The following TMEM117 variants were observed in gnomAD, a reference collection of about 807,000 sequenced individuals.
TMEM117 encodes the protein transmembrane protein 117.
TMEM117 carries 27 observed loss-of-function variants against 52.4 expected under a neutral mutation model. The ratio of observed to expected loss-of-function variants is 0.51; its 90% CI spans 0.38 to 0.71. TMEM117 has a LOEUF of 0.71. Ranked by LOEUF, TMEM117 falls within the 30% of genes least tolerant of loss-of-function variation. TMEM117 has a pLI of 0.00. For missense variants in TMEM117, 556 were observed against 630.5 expected (o/e 0.88, Z 1.26); for synonymous variants, 215 against 206.3 (o/e 1.04, Z -0.36).
chr12:43,978,406 C>G (rs193264003), intron 3 of TMEM117, among the ~76,000 whole-genome samples: 1 of 152,060 alleles, frequency 6.6e-6, no homozygotes, highest in Non-Finnish European at 1.5e-5. Flanking sequence ...ATAGGCTGAA[C>G]GGAAAAGGTC....
intron 3 of TMEM117, among the ~76,000 whole-genome samples, chr12:44,034,902 A>G (rs1184119714): frequency 6.6e-6 from 1 of 152,214 alleles, no homozygotes; most frequent in Non-Finnish European, 1.5e-5. Context: ...AGCAGGCACC[A>G]GTCAATCTTT....
chr12:43,810,190 C>T, the TMEM117 span, among the ~76,000 whole-genome samples: 1 of 152,090 alleles, frequency 6.6e-6, no homozygotes, highest in Non-Finnish European at 1.5e-5. Context: ...AGATTTTCAC[C>T]CTGGGTTGGA....
chr12:44,107,506 A>AT (rs1947978070), intron 3 of TMEM117, among the ~76,000 whole-genome samples: 3 of 152,124 alleles, frequency 2.0e-5, no homozygotes, highest in Admixed American at 1.3e-4. Flanking sequence ...TTGAAGACTC[A>AT]TTCACTGTGT....
chr12:43,810,435 G>A, the TMEM117 span, among the ~76,000 whole-genome samples: 1 of 152,014 alleles, frequency 6.6e-6, no homozygotes, highest in Non-Finnish European at 1.5e-5. Context: ...GTCCACAAAC[G>A]GGGACAACCT....
At chr12:44,019,922 GA>G (rs1179632056) in intron 3 of TMEM117, among the ~76,000 whole-genome samples, 4 of 152,118 alleles carry the variant, frequency 2.6e-5, no homozygotes, top group African/African-American at 9.7e-5. Flanking sequence ...CTTTTAAACA[GA>G]ATGAAAGGTC....
At chr12:44,036,304 C>T (rs1174927439) in intron 3 of TMEM117, among the ~76,000 whole-genome samples, 1 of 152,188 alleles carries the variant, frequency 6.6e-6, no homozygotes, top group Non-Finnish European at 1.5e-5. Context: ...ACCTACCACT[C>T]AGCTTAAGCA....
intron 3 of TMEM117, among the ~76,000 whole-genome samples, chr12:44,020,751 C>G (rs1279867109): frequency 6.6e-6 from 1 of 150,758 alleles, no homozygotes; most frequent in Non-Finnish European, 1.5e-5. Context: ...CCAGAAATAG[C>G]TAGCAGCCAG....
At chr12:44,396,785 C>A in the TMEM117 span, among the ~76,000 whole-genome samples, 1 of 145,770 alleles carries the variant, frequency 6.9e-6, no homozygotes, top group African/African-American at 2.5e-5. Context: ...ACCAGGGAGG[C>A]GGAGGTTGCA....
chr12:43,924,316 G>A (rs866654607), intron 2 of TMEM117, among the ~76,000 whole-genome samples: 76 of 152,092 alleles, frequency 5.0e-4, no homozygotes, highest in African/African-American at 1.6e-3. Context: ...ATTATTCATT[G>A]TTTGCGTAGA....
chr12:43,853,423 C>T (rs971461327), intron 2 of TMEM117, among the ~76,000 whole-genome samples: 2 of 152,060 alleles, frequency 1.3e-5, no homozygotes, highest in South Asian at 4.2e-4. Flanking sequence ...TTACAGGCAC[C>T]TGCCACCATA....
chr12:44,062,299 T>C (rs1947151981), intron 3 of TMEM117, among the ~76,000 whole-genome samples: 1 of 152,226 alleles, frequency 6.6e-6, no homozygotes, highest in South Asian at 2.1e-4. Flanking sequence ...CTAGCTATGC[T>C]TCAAATTATA....
chr12:44,306,053 T>C (rs946388428), intron 6 of TMEM117, among the ~76,000 whole-genome samples: 1 of 152,178 alleles, frequency 6.6e-6, no homozygotes, highest in African/African-American at 2.4e-5. Context: ...TGTTCTCATT[T>C]ATAAATGAGA....
chr12:44,089,126 AC>A (rs1377616384), intron 3 of TMEM117, among the ~76,000 whole-genome samples: 2 of 152,196 alleles, frequency 1.3e-5, no homozygotes, highest in Non-Finnish European at 2.9e-5. Flanking sequence ...GGTATAAAGG[AC>A]ACAAATATGT....
chr12:43,878,635 A>T (rs1943844583), intron 2 of TMEM117, among the ~76,000 whole-genome samples: 1 of 152,210 alleles, frequency 6.6e-6, no homozygotes, highest in African/African-American at 2.4e-5. Flanking sequence ...TGTGATTTTG[A>T]TTAAAATTTT....
chr12:44,341,799 C>G (rs1381422144), intron 6 of TMEM117, among the ~76,000 whole-genome samples: 1 of 152,078 alleles, frequency 6.6e-6, no homozygotes, highest in East Asian at 1.9e-4. Flanking sequence ...GATATTGAAT[C>G]TAGAAGAGTC....
intron 2 of TMEM117, among the ~76,000 whole-genome samples, chr12:43,882,353 A>G (rs547937165): frequency 6.6e-6 from 1 of 150,982 alleles, no homozygotes; most frequent in East Asian, 2.0e-4. Context: ...CCAGCTACTC[A>G]GGAGGCTGAG....
At chr12:44,076,055 A>T (rs1458585120) in intron 3 of TMEM117, among the ~76,000 whole-genome samples, 3 of 152,212 alleles carry the variant, frequency 2.0e-5, no homozygotes, top group Non-Finnish European at 2.9e-5. Context: ...CACTGCCGTT[A>T]CCACCACCTA....
chr12:44,144,251 T>C (rs1948611130), intron 4 of TMEM117, among the ~76,000 whole-genome samples: 1 of 152,192 alleles, frequency 6.6e-6, no homozygotes, highest in Admixed American at 6.5e-5. Flanking sequence ...ATAAAGTATC[T>C]TCTGTTTTTA....
intron 3 of TMEM117, among the ~76,000 whole-genome samples, chr12:44,126,168 A>T (rs1056023766): frequency 2.0e-5 from 3 of 152,072 alleles, no homozygotes; most frequent in Admixed American, 6.5e-5. Flanking sequence ...ATCCACCATT[A>T]ATGGGCATTT....
Sources: gnomAD v4.1 joint callset for allele counts (sites outside exome capture counted in the v4.1 genomes callset) on GRCh38, gnomAD v4.1.1 for gene constraint, MANE v1.5 for transcripts, NCBI Gene and HGNC (gene_info 2026-07-23, HGNC 2026-07-21) for gene names.